The following NCALD variants were observed in gnomAD, a reference collection of about 807,000 sequenced individuals.
NCALD encodes the protein neurocalcin-delta.
In NCALD, 10 loss-of-function variants were observed where a neutral mutation model predicts 18.6. That is an observed-to-expected ratio of 0.54 (90% CI 0.33 to 0.91). The LOEUF (loss-of-function observed/expected upper bound fraction) is 0.91. NCALD is among the 40% of genes least tolerant of loss of function. The probability of loss-of-function intolerance (pLI) is 0.03; values close to 1 mark genes in which losing one functional copy is unlikely to be tolerated. For synonymous variants in NCALD, 88 were observed against 87.4 expected, an observed-to-expected ratio of 1.01 and a Z score of -0.04; for missense variants, 184 against 247.6, an observed-to-expected ratio of 0.74 and a Z score of 1.72.
At chr8:102,017,626 C>T (rs1027524631) in intron 2 of NCALD, among the ~76,000 whole-genome samples, 11 of 152,088 alleles carry the variant, frequency 7.2e-5, no homozygotes, top group African/African-American at 1.9e-4. Flanking sequence ...ATCTGGGAGG[C>T]GGAGGTTGCA....
In NCALD at chr8:101,987,015, T is replaced by TA. The variant is rs548054742; in HGVS notation, c.-157+33221dup. Among the ~76,000 whole-genome samples, 266 of 152,292 alleles carry TA rather than the reference T, an allele frequency of 1.7e-3. 1 individual carries two copies. The highest frequency in any genetic ancestry group is 2.9e-3 in the Non-Finnish European group (197 of 68,026). On this transcript the variant is annotated intron_variant, in intron 2 of 6. Coordinates refer to the NCALD transcript ENST00000311028. The stretch of plus-strand genomic sequence containing the variant: ...GACAGATGGGATCTTAAAGGCCACC[T>TA]ACACAGAGGGTTTATCTTAAATTTA...
At chr8:102,112,815 T>C (rs541958560) in intron 1 of NCALD, among the ~76,000 whole-genome samples, 5 of 152,208 alleles carry the variant, frequency 3.3e-5, no homozygotes, top group African/African-American at 1.2e-4. Context: ...AGTGGAGAGC[T>C]GATTATTAAG....
intron 1 of NCALD, among the ~76,000 whole-genome samples, chr8:102,085,743 C>T (rs993177708): frequency 6.8e-6 from 1 of 146,822 alleles, no homozygotes; most frequent in Non-Finnish European, 1.5e-5. Flanking sequence ...GACAGCAAGA[C>T]TCTGTCTTTA....
chr8:101,962,062 GACC>G (rs1446326022), intron 2 of NCALD, among the ~76,000 whole-genome samples: 1 of 151,932 alleles, frequency 6.6e-6, no homozygotes, highest in East Asian at 1.9e-4. Context: ...TAAAGCAAAG[GACC>G]AAACTGTGGC....
rs775833498 is a variant in NCALD at position 101,719,422 on chromosome 8, G to A, written c.208C>T (p.Arg70Cys). 17 of 1,614,152 alleles carry A rather than the reference G, an allele frequency of 1.1e-5. No homozygotes were observed. Among genetic ancestry groups the A allele is most frequent in the East Asian group, 2.2e-5 (1 of 44,890 alleles). Residue 70 changes from arginine (R) to cysteine (C), a missense_variant, in exon 2 of 4, where the codon CGC becomes TGC. Physicochemically the swap from Arg to Cys is radical, Grantham distance 180. Transcript: ENST00000220931. ...CCATCTCCATTTGCATCGAAGGTGC[G>A]GAAGACATGCTCTGCAAATTTGGAA... ...DASKFAEHVF[R>C]TFDANGDGTI... is the part of the protein sequence containing the mutation.
rs190878277 is a variant in NCALD at position 102,095,933 on chromosome 8, G to C, written c.-210+28304C>G. Among the ~76,000 whole-genome samples the C allele has an allele frequency of 1.8e-3, 268 of 152,290 alleles. 1 individual carries two copies. Among genetic ancestry groups the C allele is most frequent in the Non-Finnish European group, 2.0e-3 (134 of 68,024 alleles). On this transcript the variant is annotated intron_variant, in intron 1 of 6. Coordinates refer to the NCALD transcript ENST00000311028. ...GCCAAAGCTTCTCTCTTATCAAGGT[G>C]AACAACTCATTCCAGTTTACCTAGG...
At chr8:101,841,682 T>C (rs1339553910) in intron 4 of NCALD, among the ~76,000 whole-genome samples, 1 of 152,216 alleles carries the variant, frequency 6.6e-6, no homozygotes. Context: ...CTATAAGCTG[T>C]AAGAAAGGCA....
At chr8:101,773,255 C>T (rs1203990996) in intron 1 of NCALD, among the ~76,000 whole-genome samples, 1 of 152,150 alleles carries the variant, frequency 6.6e-6, no homozygotes, top group East Asian at 1.9e-4. Flanking sequence ...GATCCTGAGG[C>T]AGCCTAGGGT....
At chr8:101,929,064 C>T (rs1261678539) in intron 2 of NCALD, among the ~76,000 whole-genome samples, 2 of 151,682 alleles carry the variant, frequency 1.3e-5, no homozygotes, top group African/African-American at 4.8e-5. Context: ...TGTGGGTATT[C>T]CCATATTATG....
intron 3 of NCALD, chr8:101,690,462 T>A: frequency 2.0e-6 from 2 of 985,312 alleles, no homozygotes; most frequent in Non-Finnish European, 2.4e-6. Flanking sequence ...CGCCTGTGGG[T>A]TTTTCAGCAC....
chr8:102,048,646 T>C (rs1586978024), intron 1 of NCALD, among the ~76,000 whole-genome samples: 2 of 152,244 alleles, frequency 1.3e-5, no homozygotes, highest in East Asian at 1.9e-4. Flanking sequence ...ATACATGACA[T>C]GTATATGTGT....
chr8:102,122,184 C>T (rs1159676578), intron 1 of NCALD, among the ~76,000 whole-genome samples: 1 of 152,154 alleles, frequency 6.6e-6, no homozygotes, highest in African/African-American at 2.4e-5. Context: ...GCCAAGAATG[C>T]ATAGGAGTTG....
chr8:102,077,020 T>C (rs533891996), intron 1 of NCALD, among the ~76,000 whole-genome samples: 1 of 152,280 alleles, frequency 6.6e-6, no homozygotes, highest in East Asian at 1.9e-4. Context: ...TTCACGCCCC[T>C]TCCCTTACAG....
At chr8:101,920,084 C>A (rs6985642) in intron 2 of NCALD, among the ~76,000 whole-genome samples, 8,565 of 152,076 alleles carry the variant, frequency 0.056, 773 homozygotes, top group African/African-American at 0.19. Flanking sequence ...TGGCAAAACT[C>A]CACCTCTACA....
chr8:101,755,534 T>TCACC (rs1810841199), intron 1 of NCALD, among the ~76,000 whole-genome samples: 1 of 152,172 alleles, frequency 6.6e-6, no homozygotes, highest in African/African-American at 2.4e-5. Context: ...CCTCCACCAT[T>TCACC]CACCCTATCT....
At position 101,803,941 on chromosome 8, in the gene NCALD, A is replaced by T. The variant is rs111829469; in HGVS notation, c.-20+83200T>A. Among the ~76,000 whole-genome samples, 1,304 of 152,260 alleles carry T rather than the reference A, an allele frequency of 8.6e-3. 19 individuals carry two copies. Among genetic ancestry groups the T allele is most frequent in the African/African-American group, 0.027 (1,132 of 41,530 alleles). The stretch of plus-strand genomic sequence containing the variant: ...CAAACAGCACTGCATGCTACAGCAA[A>T]ATCCATGATGAAAGGAAGAGCCAAC... On this transcript the variant is annotated intron_variant, in intron 4 of 6. Coordinates refer to the NCALD transcript ENST00000311028.
At chr8:102,059,987 T>C (rs1184932508) in intron 1 of NCALD, among the ~76,000 whole-genome samples, 1 of 152,174 alleles carries the variant, frequency 6.6e-6, no homozygotes, top group East Asian at 1.9e-4. Context: ...TTTTTTGTTT[T>C]TGTTTTTGTT....
At chr8:101,702,225 T>C (rs1438058747) in intron 2 of NCALD, among the ~76,000 whole-genome samples, 1 of 151,960 alleles carries the variant, frequency 6.6e-6, no homozygotes, top group Non-Finnish European at 1.5e-5. Context: ...TTTGTGATAG[T>C]GTCATTCTTT....
chr8:101,893,928 C>T (rs1350737424), intron 3 of NCALD, among the ~76,000 whole-genome samples: 1 of 146,616 alleles, frequency 6.8e-6, no homozygotes, highest in Non-Finnish European at 1.5e-5. Flanking sequence ...GACTTTAACA[C>T]CCCACTGTCA....
Sources: allele counts gnomAD v4.1 joint callset (sites outside exome capture counted in the v4.1 genomes callset), GRCh38; gene constraint gnomAD v4.1.1; transcripts MANE v1.5; gene names NCBI Gene and HGNC (gene_info 2026-07-23, HGNC 2026-07-21).